RAPGEF2: variants seen among roughly 807,000 people sequenced by gnomAD.
RAPGEF2 encodes the protein PDZ domain containing guanine nucleotide exchange factor (GEF) 1.
In RAPGEF2, 54 loss-of-function variants were observed where a neutral mutation model predicts 186.7. That is an observed-to-expected ratio of 0.29 (90% CI 0.23 to 0.36). The LOEUF (loss-of-function observed/expected upper bound fraction) is 0.36. RAPGEF2 is among the 10% of genes least tolerant of loss of function. RAPGEF2 has a pLI of 1.00. For missense variants in RAPGEF2, 1,532 were observed against 2,045.0 expected (o/e 0.75, Z 4.84); for synonymous variants, 712 against 705.9 (o/e 1.01, Z -0.14).
chr4:159,226,331 C>G (rs1273911477), intron 4 of RAPGEF2, among the ~76,000 whole-genome samples: 1 of 152,164 alleles, frequency 6.6e-6, no homozygotes, highest in African/African-American at 2.4e-5. Context: ...AGATCTGTCT[C>G]TGGAATCTGT....
chr4:159,300,503 T>C (rs1169723337), intron 7 of RAPGEF2, among the ~76,000 whole-genome samples: 1 of 152,092 alleles, frequency 6.6e-6, no homozygotes, highest in African/African-American at 2.4e-5. Flanking sequence ...TTCCTTGGAA[T>C]TGTGTTCTTA....
intron 29 of RAPGEF2, among the ~76,000 whole-genome samples, chr4:159,356,851 A>C (rs1438788192): frequency 6.6e-6 from 1 of 152,164 alleles, no homozygotes; most frequent in Admixed American, 6.5e-5. Context: ...CAGTGAGCCA[A>C]CAACATGTCA....
At chr4:159,137,298 GCC>G (rs1223480740) in intron 1 of RAPGEF2, among the ~76,000 whole-genome samples, 13 of 152,156 alleles carry the variant, frequency 8.5e-5, no homozygotes, top group Non-Finnish European at 1.8e-4. Context: ...CCTACTCCTG[GCC>G]TGCAGACTGC....
chr4:159,357,945 TTTG>T (rs1189158947), intron 29 of RAPGEF2, among the ~76,000 whole-genome samples, 166 bp from the exon 30 acceptor site: 1 of 152,010 alleles, frequency 6.6e-6, no homozygotes, highest in Non-Finnish European at 1.5e-5. Context: ...TTTTAACCTT[TTTG>T]TTGTTCGTCA....
At chr4:159,258,394 T>C (rs906970314) in intron 7 of RAPGEF2, among the ~76,000 whole-genome samples, 1 of 152,214 alleles carries the variant, frequency 6.6e-6, no homozygotes, top group African/African-American at 2.4e-5. Context: ...ATTTTCTATA[T>C]TGAGATGGTC....
chr4:159,124,001 G>A (rs534235196), intron 1 of RAPGEF2, among the ~76,000 whole-genome samples: 142 of 151,946 alleles, frequency 9.3e-4, no homozygotes, highest in African/African-American at 3.1e-3. Context: ...AATTACAGGC[G>A]CGTGCCACCA....
rs796568659 is a variant in RAPGEF2, at chr4:159,345,851, GT to G, written c.3502+535del. ...ATCTGGTTAATCTATAAATGGGGCA[GT>G]TTTTTTTTTTTTCTAAATCTGCATC... On this transcript the variant is annotated intron_variant, in intron 24 of 29. Transcript: ENST00000691494. Among the ~76,000 whole-genome samples the G allele has an allele frequency of 6.2e-4, 90 of 146,296 alleles. No individual in the cohort carries two copies. The Middle Eastern group carries it at 0.018, about 29-fold the overall frequency.
chr4:159,319,462 G>A (rs1764986036), intron 9 of RAPGEF2, among the ~76,000 whole-genome samples: 2 of 151,564 alleles, frequency 1.3e-5, no homozygotes. Flanking sequence ...CACGAAACCT[G>A]CCCCTGGTGC....
At chr4:159,337,894 A>AAAAAAAAAC (rs1767669906) in intron 17 of RAPGEF2, among the ~76,000 whole-genome samples, 1 of 145,102 alleles carries the variant, frequency 6.9e-6, no homozygotes, top group Non-Finnish European at 1.5e-5. Flanking sequence ...CATCTCAAAA[A>AAAAAAAAAC]AAAAAAAAAA....
In RAPGEF2 at chr4:159,103,474, A is replaced by C. The variant is rs1737410464; in HGVS notation, c.-689A>C. On this transcript the variant is annotated 5_prime_UTR_variant, in exon 1 of 30. Coordinates refer to ENST00000691494, the MANE Select transcript of RAPGEF2 (RefSeq NM_001394067.2). ...GCGGCTGGGCGGCCCGAGGGGATGC[A>C]GCAGCAGTCGGGAGGGACGGCCGAG... 2 of 156,714 alleles carry C rather than the reference A, an allele frequency of 1.3e-5. No individual in the cohort carries two copies. The highest frequency in any genetic ancestry group is 4.8e-5 in the African/African-American group (2 of 41,416). The allele number at this position is 156,714 out of a possible 1,614,324, so 9.7% of individuals were successfully genotyped here. A position where few individuals can be genotyped will look rare whatever the true frequency, so the allele number is the denominator to read the frequency against.
chr4:159,156,905 C>T (rs1744192743), intron 1 of RAPGEF2, among the ~76,000 whole-genome samples: 1 of 152,150 alleles, frequency 6.6e-6, no homozygotes, highest in Non-Finnish European at 1.5e-5. Flanking sequence ...CAACCATTTG[C>T]AGAGTGTTTA....
At chr4:159,257,430 A>G (rs546116541) in intron 7 of RAPGEF2, among the ~76,000 whole-genome samples, 56 of 152,226 alleles carry the variant, frequency 3.7e-4, no homozygotes, top group Non-Finnish European at 6.2e-4. Flanking sequence ...CATGAGACCC[A>G]TTCACTATCA....
At chr4:159,164,058 G>A (rs1745009103) in intron 1 of RAPGEF2, among the ~76,000 whole-genome samples, 1 of 151,572 alleles carries the variant, frequency 6.6e-6, no homozygotes, top group Non-Finnish European at 1.5e-5. Context: ...AGGCTGGAGT[G>A]CAGTGGCGCA....
chr4:159,312,883 C>G (rs1004636831), intron 8 of RAPGEF2, among the ~76,000 whole-genome samples: 1 of 152,180 alleles, frequency 6.6e-6, no homozygotes, highest in East Asian at 1.9e-4. Context: ...CGTGGTGGCT[C>G]ATGCCTGTAA....
Position 159,347,415 on chromosome 4 carries a change from A to G in RAPGEF2, c.3712+417A>G, listed in dbSNP as rs770999479. Among the ~76,000 whole-genome samples the G allele has an allele frequency of 1.3e-4, 20 of 152,384 alleles. No homozygotes were observed. In the East Asian group the frequency reaches 1.5e-3, roughly 12 times the overall value. On this transcript the variant is annotated intron_variant, in intron 25 of 29. Coordinates refer to ENST00000691494, the MANE Select transcript of RAPGEF2 (RefSeq NM_001394067.2). ...TCTTATTTGTTGACTCACTGATTCT[A>G]TAACTTAGAGGGAAAAATAAAACAA...
rs189442911 is a variant in RAPGEF2, at chr4:159,278,106, C to T, written c.544-26236C>T. Among the ~76,000 whole-genome samples, 643 of 152,134 alleles carry T rather than the reference C, an allele frequency of 4.2e-3. 9 individuals are homozygous for T. Among genetic ancestry groups the T allele is most frequent in the African/African-American group, 0.015 (606 of 41,506 alleles). ...TAACATTTAAGTCTTTAATCCATCTCCAATTAATTTTTGTATAAGGTGTAA... is the reference window on the plus strand; with the variant it reads ...TAACATTTAAGTCTTTAATCCATCTTCAATTAATTTTTGTATAAGGTGTAA... On this transcript the variant is annotated intron_variant, in intron 7 of 29. Transcript: ENST00000691494.
chr4:159,310,488 T>C (rs929842027), intron 8 of RAPGEF2, among the ~76,000 whole-genome samples: 8 of 152,114 alleles, frequency 5.3e-5, no homozygotes, highest in Admixed American at 6.5e-5. Context: ...GGCATAAAAA[T>C]TTTTTTGTTT....
intron 7 of RAPGEF2, among the ~76,000 whole-genome samples, chr4:159,283,537 A>G (rs1467459987): frequency 6.6e-6 from 1 of 152,168 alleles, no homozygotes; most frequent in Non-Finnish European, 1.5e-5. Flanking sequence ...CTCATATTTT[A>G]TCTTATATCA....
chr4:159,132,462 T>A (rs1211782646), intron 1 of RAPGEF2, among the ~76,000 whole-genome samples: 1 of 152,202 alleles, frequency 6.6e-6, no homozygotes, highest in East Asian at 1.9e-4. Flanking sequence ...GAGTCTTGTT[T>A]GTTTCTCTTT....
Sources: gnomAD v4.1 joint callset for allele counts (sites outside exome capture counted in the v4.1 genomes callset) on GRCh38, gnomAD v4.1.1 for gene constraint, MANE v1.5 for transcripts, NCBI Gene and HGNC (gene_info 2026-07-23, HGNC 2026-07-21) for gene names.